The following ACIN1 variants were observed in gnomAD, a reference collection of about 807,000 sequenced individuals.
The protein encoded by ACIN1 is apoptotic chromatin condensation inducer in the nucleus.
In ACIN1, 16 loss-of-function variants were observed where a neutral mutation model predicts 146.6. The ratio of observed to expected loss-of-function variants is 0.11; its 90% CI spans 0.07 to 0.17. The LOEUF is 0.17. ACIN1 is among the 10% of genes least tolerant of loss of function. ACIN1 has a pLI of 1.00. For missense variants in ACIN1, 1,357 were observed against 1,609.3 expected (o/e 0.84, Z 2.68); for synonymous variants, 569 against 582.7 (o/e 0.98, Z 0.34).
chr14:23,068,607 C>T lies in ACIN1; in HGVS notation c.2265+869G>A, dbSNP rs1230592707. The T allele has an allele frequency of 7.1e-6, 7 of 985,756 alleles. No individual in the cohort carries two copies. The highest frequency in any genetic ancestry group is 1.7e-5 in the African/African-American group (1 of 57,226). The allele number at this position is 985,756 out of a possible 1,614,324, so 61.1% of individuals were successfully genotyped here. A position where few individuals can be genotyped will look rare whatever the true frequency, so the allele number is the denominator to read the frequency against. On this transcript the variant is annotated intron_variant, in intron 9 of 18. Coordinates refer to ENST00000605057, the MANE Select transcript of ACIN1 (RefSeq NM_001386863.1). The surrounding 1 kb of genome is among the most constrained non-coding windows in gnomAD (Gnocchi z 4.3). ...CAGCGGGTGGGTCCAGAGGAAGAGG[C>T]GGCATCAGCGATTGGCCAGTTGGGC... is the stretch of plus-strand genomic sequence containing the variant.
intron 10 of ACIN1, among the ~76,000 whole-genome samples, chr14:23,064,950 CA>C: frequency 6.6e-6 from 1 of 150,838 alleles, no homozygotes; most frequent in Non-Finnish European, 1.5e-5. Context: ...ACCATGGCTT[CA>C]GACTGAACAC....
intron 5 of ACIN1, among the ~76,000 whole-genome samples, chr14:23,081,019 T>C (rs1408590223): frequency 1.3e-5 from 2 of 150,930 alleles, no homozygotes; most frequent in Admixed American, 6.6e-5. Context: ...ACAATGAAGC[T>C]ACTTGTATGT....
intron 4 of ACIN1, among the ~76,000 whole-genome samples, chr14:23,088,273 T>C (rs2048138700): frequency 6.6e-6 from 1 of 152,252 alleles, no homozygotes; most frequent in Non-Finnish European, 1.5e-5. Flanking sequence ...CAGCTGAGGG[T>C]CTACTACTCT....
At chr14:23,094,464 C>G in intron 1 of ACIN1, 1 of 985,224 alleles carries the variant, frequency 1.0e-6, no homozygotes, top group Non-Finnish European at 1.2e-6. Context: ...CATCAAGTCC[C>G]TTCAAATAAA....
chr14:23,083,673 G>A (rs1247376010), intron 4 of ACIN1, among the ~76,000 whole-genome samples: 1 of 152,124 alleles, frequency 6.6e-6, no homozygotes, highest in Non-Finnish European at 1.5e-5. Context: ...AGCTTGCAGT[G>A]AGTCGAGATC....
At chr14:23,074,006 T>C (rs2047734581) in intron 8 of ACIN1, among the ~76,000 whole-genome samples, 1 of 151,506 alleles carries the variant, frequency 6.6e-6, no homozygotes, top group Admixed American at 6.6e-5. Context: ...ACCCGGCTAA[T>C]TTTTTGTATT....
chr14:23,093,514 A>T lies in ACIN1; in HGVS notation c.169T>A (p.Ser57Thr), dbSNP rs2048280973. The T allele has an allele frequency of 6.2e-7, 1 of 1,613,862 alleles. No homozygotes were observed. Among genetic ancestry groups the T allele is most frequent in the South Asian group, 1.1e-5 (1 of 91,086 alleles). Reference protein sequence around the residue: ...ALMLENLQKHSTPHAAFQPNS... With the variant: ...ALMLENLQKHTTPHAAFQPNS... Reference sequence around the variant, plus strand: ...GGCTGGAATGCAGCATGGGGTGTTGAGTGTTTCTGTAAATTTTCTAGCATT... The same window carrying T: ...GGCTGGAATGCAGCATGGGGTGTTGTGTGTTTCTGTAAATTTTCTAGCATT... Residue 57 changes from serine (S) to threonine (T), a missense_variant, in exon 2 of 19, where the codon TCA becomes ACA. Ser to Thr is a moderately conservative substitution (Grantham distance 58). Coordinates refer to ENST00000605057, the MANE Select transcript of ACIN1 (RefSeq NM_001386863.1).
At chr14:23,069,652 G>GGGGTGGGGGGGGGGGGGGGGGGC in intron 8 of ACIN1, 35 bp from the exon 9 acceptor site, 2 of 577,974 alleles carry the variant, frequency 3.5e-6, no homozygotes, top group East Asian at 4.3e-5. Flanking sequence ...GGGGGGGCGG[G>GGGGTGGGGGGGGGGGGGGGGGGC]CAGAAAAGAA....
chr14:23,069,127 G>A, intron 9 of ACIN1: 2 of 1,011,638 alleles, frequency 2.0e-6, no homozygotes, highest in African/African-American at 1.7e-5. Flanking sequence ...AAAAAGGAGG[G>A]AAAGCTAAAG....
chr14:23,069,641 T>TGGGGGGTGTGGGGGGGG, intron 8 of ACIN1, 24 bp from the exon 9 acceptor site: 6 of 309,212 alleles, frequency 1.9e-5, no homozygotes, highest in Admixed American at 5.3e-5. Context: ...GGAGTGGTGG[T>TGGGGGGTGTGGGGGGGG]GGGGGGGCGG....
chr14:23,095,255 C>G (rs1353347511), upstream of ACIN1: 1 of 1,606,028 alleles, frequency 6.2e-7, no homozygotes, highest in Non-Finnish European at 8.5e-7. Flanking sequence ...CCGGGTTCCT[C>G]CGGATGTCCT....
At position 23,079,970 on chromosome 14, in the gene ACIN1, T is replaced by C. The variant is rs3751500; in HGVS notation, c.1365A>G (p.Ser455=). 2.5e-4 allele frequency: 409 copies of C among 1,614,136 alleles called. 1 individual carries two copies. The East Asian group carries it at 8.5e-3, about 34-fold the overall frequency. ...ACTCAGGTTCAAGATCCTTCTGGGC[T>C]GAGTAGTCAGCCAGTGTGCTTTTCT... The part of the protein sequence containing the change: ...LVQKSTLADY[S]AQKDLEPESD... The change falls in exon 6 of 19, where the codon TCA becomes TCG. Residue 455 remains serine, a synonymous_variant. Coordinates refer to ENST00000605057, the MANE Select transcript of ACIN1 (RefSeq NM_001386863.1).
chr14:23,064,663 C>T (rs1409093554), intron 10 of ACIN1, 175 bp from the exon 11 acceptor site: 2 of 838,974 alleles, frequency 2.4e-6, no homozygotes, highest in Non-Finnish European at 3.6e-6. Flanking sequence ...CTTTGGGAGG[C>T]CAAGGCGGGT....
intron 3 of ACIN1, 126 bp downstream of exon 3, chr14:23,090,396 G>C: frequency 1.1e-6 from 1 of 916,558 alleles, no homozygotes; most frequent in South Asian, 1.7e-5. Context: ...CATGGGCTAT[G>C]AAAGCAAGTA....
Position 23,068,440 on chromosome 14 carries a change from C to A in ACIN1, c.2265+1036G>T. 1 of 985,926 alleles carries A rather than the reference C, an allele frequency of 1.0e-6. No individual in the cohort carries two copies. Among genetic ancestry groups the A allele is most frequent in the Non-Finnish European group, 1.2e-6 (1 of 829,964 alleles). 61.1% of individuals were successfully genotyped at this position (985,926 alleles called of 1,614,324 possible). A position where few individuals can be genotyped will look rare whatever the true frequency, so the allele number is the denominator to read the frequency against. On this transcript the variant is annotated intron_variant, in intron 9 of 18. Transcript: ENST00000605057. This position sits in a 1 kb window ranked among gnomAD's most constrained non-coding sequence, Gnocchi z 4.3. ...TTTTGCTTGCTCAATACAAGTCTCT[C>A]CAGAACAGTGTTCTTCTTGGCCCCC...
At chr14:23,080,842 T>C (rs892405230) in intron 5 of ACIN1, 33 bp from the exon 6 acceptor site, 9 of 1,556,072 alleles carry the variant, frequency 5.8e-6, no homozygotes, top group Admixed American at 1.9e-5. Flanking sequence ...GCTCCAAATG[T>C]ATTTGCTCAC....
chr14:23,083,406 C>T (rs886950654), intron 4 of ACIN1, among the ~76,000 whole-genome samples: 2 of 152,128 alleles, frequency 1.3e-5, no homozygotes, highest in South Asian at 2.1e-4. Flanking sequence ...AGGGGCTGCA[C>T]TAGATGATTT....
Position 23,081,829 on chromosome 14 carries a change from G to A in ACIN1, c.444C>T (p.Ser148=). 3 of 1,608,618 alleles carry A rather than the reference G, an allele frequency of 1.9e-6. No homozygotes were observed. Among genetic ancestry groups the A allele is most frequent in the Non-Finnish European group, 2.5e-6 (3 of 1,178,858 alleles). ...LELSRHSPRK[S]SSISEEKGDS... is the part of the protein sequence containing the mutation. ...CACCTTTCTCTTCAGAAATTGAGGAGCTTTTTCCTATTGAATGAAAAAGAA... is the reference window on the plus strand; with the variant it reads ...CACCTTTCTCTTCAGAAATTGAGGAACTTTTTCCTATTGAATGAAAAAGAA... Residue 148 remains serine, a synonymous_variant, in exon 5 of 19, where the codon AGC becomes AGT. Coordinates refer to ENST00000605057, the MANE Select transcript of ACIN1 (RefSeq NM_001386863.1).
At chr14:23,059,533 TTG>T in intron 18 of ACIN1, 59 bp from the exon 19 acceptor site, 1 of 1,414,438 alleles carries the variant, frequency 7.1e-7, no homozygotes, top group African/African-American at 1.4e-5. Flanking sequence ...CAGCCTCCAT[TTG>T]TGCCTGGACC....
Sources: gnomAD v4.1 joint callset for allele counts (sites outside exome capture counted in the v4.1 genomes callset) on GRCh38, gnomAD v4.1.1 for gene constraint, Gnocchi (gnomAD v3.1) non-coding constraint, MANE v1.5 for transcripts, NCBI Gene and HGNC (gene_info 2026-07-23, HGNC 2026-07-21) for gene names.